The following ATM variants were observed in gnomAD, a reference collection of about 807,000 sequenced individuals.
ATM encodes serine-protein kinase ATM.
ATM carries 308 observed loss-of-function variants against 387.0 expected under a neutral mutation model. The ratio of observed to expected loss-of-function variants is 0.80; its 90% CI spans 0.73 to 0.87. ATM has a LOEUF of 0.87. Ranked by LOEUF, ATM falls within the 40% of genes least tolerant of loss-of-function variation. The pLI is 0.00. For missense variants in ATM, 3,312 were observed against 3,560.9 expected (o/e 0.93, Z 1.78); for synonymous variants, 1,156 against 1,187.3 (o/e 0.97, Z 0.54).
intron 26 of ATM, among the ~76,000 whole-genome samples, chr11:108,285,316 T>C (rs1313288055): frequency 9.9e-6 from 1 of 101,290 alleles, no homozygotes; most frequent in Non-Finnish European, 1.9e-5. Flanking sequence ...TATACATTTT[T>C]CTCTCTTTTT....
At chr11:108,315,072 C>T (rs530884081) in intron 40 of ATM, among the ~76,000 whole-genome samples, 1 of 152,128 alleles carries the variant, frequency 6.6e-6, no homozygotes, top group Non-Finnish European at 1.5e-5. Context: ...TATAGTATTG[C>T]AGTAAACACA....
intron 13 of ATM, among the ~76,000 whole-genome samples, chr11:108,254,753 GCAATTCTCCTGCCT>G (rs1330623245): frequency 6.6e-6 from 1 of 152,112 alleles, no homozygotes; most frequent in Non-Finnish European, 1.5e-5. Flanking sequence ...TCCAGTTCAA[GCAATTCTCCTGCCT>G]CAGTCTTCCG....
At chr11:108,304,918 G>A in intron 37 of ATM, 66 bp downstream of exon 37, 2 of 1,539,392 alleles carry the variant, frequency 1.3e-6, no homozygotes, top group Non-Finnish European at 1.8e-6. Flanking sequence ...GATTTAAGAT[G>A]GAATCCCACT....
At position 108,279,612 on chromosome 11, in the gene ATM, A is replaced by C; in HGVS notation, c.3402+4A>C. On this transcript the variant is annotated splice_donor_region_variant and intron_variant, in intron 23 of 62. Coordinates refer to ENST00000675843, the MANE Select transcript of ATM (RefSeq NM_000051.4). ...TCAGGAAGGAATGAGAGAAATGGTA[A>C]TTTTAAGTAACATGTATTTGCTGTT... The C allele has an allele frequency of 6.3e-7, 1 of 1,590,524 alleles. No homozygotes were observed. Among genetic ancestry groups the C allele is most frequent in the Non-Finnish European group, 8.6e-7 (1 of 1,159,012 alleles).
intron 44 of ATM, among the ~76,000 whole-genome samples, chr11:108,320,505 A>G (rs1290487890): frequency 6.6e-6 from 1 of 152,228 alleles, no homozygotes; most frequent in Non-Finnish European, 1.5e-5. Flanking sequence ...AATAAATCCT[A>G]TGTTTATCAC....
At chr11:108,330,997 T>G (rs748689234) in intron 50 of ATM, among the ~76,000 whole-genome samples, 3 of 152,196 alleles carry the variant, frequency 2.0e-5, no homozygotes, top group Non-Finnish European at 4.4e-5. Context: ...GATAAAATGT[T>G]TCTCCTGCAG....
intron 47 of ATM, 118 bp from the exon 48 acceptor site, chr11:108,327,527 T>A (rs2085792110): frequency 1.3e-6 from 1 of 781,828 alleles, no homozygotes; most frequent in African/African-American, 1.7e-5. Context: ...AAAAACTTTT[T>A]TTTTCCCACC....
chr11:108,225,298 A>G (rs1024807997), intron 1 of ATM: 2 of 152,252 alleles, frequency 1.3e-5, no homozygotes, highest in African/African-American at 4.8e-5. Flanking sequence ...GTCCACAGGA[A>G]GTATATAATC....
rs1231343218 is a variant in ATM at position 108,253,906 on chromosome 11, C to A, written c.1991C>A (p.Thr664Asn). 1 of 1,614,012 alleles carries A rather than the reference C, an allele frequency of 6.2e-7. No homozygotes were observed. Among genetic ancestry groups the A allele is most frequent in the East Asian group, 2.2e-5 (1 of 44,856 alleles). The change falls in exon 13 of 63, where the codon ACC becomes AAC. Residue 664 changes from threonine (T) to asparagine (N), a missense_variant. Thr to Asn is a moderately conservative substitution (Grantham distance 65). This residue lies in a region of ATM where 1,791 missense variants were observed against 1,804.5 expected (regional missense o/e 0.99). Transcript: ENST00000675843. Reference protein sequence around the residue: ...QTTFDKMDFLTIVRECGIEKH... With the variant: ...QTTFDKMDFLNIVRECGIEKH... ...ACTTTTGACAAGATGGACTTTTTAA[C>A]CATTGTGAGAGAATGTGGTATAGAA...
At chr11:108,233,569 C>CA (rs531411723) in intron 4 of ATM, among the ~76,000 whole-genome samples, 2,465 of 50,226 alleles carry the variant, frequency 0.049, 81 homozygotes, top group African/African-American at 0.12. Flanking sequence ...ATCCTGTGTC[C>CA]AAAAAAAAAA....
chr11:108,270,474 T>C (rs1310120542), intron 18 of ATM, among the ~76,000 whole-genome samples: 2 of 152,152 alleles, frequency 1.3e-5, no homozygotes, highest in Non-Finnish European at 2.9e-5. Flanking sequence ...CTCACAGTTA[T>C]CTGGCCAGGT....
intron 46 of ATM, among the ~76,000 whole-genome samples, 173 bp from the exon 47 acceptor site, chr11:108,325,885 T>C (rs1229003488): frequency 6.6e-6 from 1 of 152,122 alleles, no homozygotes; most frequent in African/African-American, 2.4e-5. Flanking sequence ...GACAGACAGA[T>C]AGGCAGACGT....
rs876658224 is a variant in ATM, at chr11:108,229,178, A to G, written c.186A>G (p.Arg62=). The change falls in exon 4 of 63, where the codon AGA becomes AGG. Residue 62 remains arginine (R), a splice_region_variant and synonymous_variant. Coordinates refer to ENST00000675843, the MANE Select transcript of ATM (RefSeq NM_000051.4). The part of the protein sequence containing the change: ...GKYLNWDAVF[R]FLQKYIQKET... Reference sequence around the variant, plus strand: ...GAAATTGCATTTTGTTTTCTTGAAGATTTTTACAGAAATATATTCAGAAAG... The same window carrying G: ...GAAATTGCATTTTGTTTTCTTGAAGGTTTTTACAGAAATATATTCAGAAAG... 1 of 1,610,192 alleles carries G rather than the reference A, an allele frequency of 6.2e-7. No individual in the cohort carries two copies. The highest frequency in any genetic ancestry group is 8.5e-7 in the Non-Finnish European group (1 of 1,177,812).
At chr11:108,308,897 C>T (rs2083897512) in intron 38 of ATM, 4 of 875,474 alleles carry the variant, frequency 4.6e-6, no homozygotes, top group Non-Finnish European at 7.2e-6. Context: ...CTATCAGAAG[C>T]TTTAATGTAG....
At chr11:108,241,742 CTTTT>C (rs1206745957) in intron 5 of ATM, among the ~76,000 whole-genome samples, 2 of 45,364 alleles carry the variant, frequency 4.4e-5, no homozygotes, top group African/African-American at 7.2e-5. Flanking sequence ...TTCTTTCTTT[CTTTT>C]TTTTTTTTTT....
At chr11:108,274,780 T>C (rs1440914326) in intron 22 of ATM, among the ~76,000 whole-genome samples, 4 of 152,214 alleles carry the variant, frequency 2.6e-5, no homozygotes, top group Non-Finnish European at 5.9e-5. Context: ...TTGTTTTACT[T>C]TCAATTATGT....
chr11:108,306,992 T>A (rs532700259), intron 37 of ATM, among the ~76,000 whole-genome samples: 15 of 152,284 alleles, frequency 9.9e-5, no homozygotes, highest in African/African-American at 3.6e-4. Context: ...TCTAGCTCCA[T>A]GATTTAGCAC....
intron 9 of ATM, among the ~76,000 whole-genome samples, chr11:108,250,164 A>ATATG (rs2080056032): frequency 7.9e-6 from 1 of 126,710 alleles, no homozygotes; most frequent in East Asian, 2.3e-4. Context: ...ATATATATAT[A>ATATG]TTTTCTGAGA....
chr11:108,323,303 A>C (rs1277518176), intron 45 of ATM, among the ~76,000 whole-genome samples: 4 of 152,310 alleles, frequency 2.6e-5, no homozygotes, highest in East Asian at 1.9e-4. Context: ...AGAAATCAAG[A>C]AATTTTTCCT....
Sources: gnomAD v4.1 joint callset for allele counts (sites outside exome capture counted in the v4.1 genomes callset) on GRCh38, gnomAD v4.1.1 for gene constraint, gnomAD v4.1.1 regional missense constraint, MANE v1.5 for transcripts, NCBI Gene and HGNC (gene_info 2026-07-23, HGNC 2026-07-21) for gene names.